The following GLO1 variants were observed in gnomAD, a reference collection of about 807,000 sequenced individuals.
The protein encoded by GLO1 is glyoxalase I, also known as lactoylglutathione lyase.
A neutral mutation model predicts 26.0 loss-of-function variants in GLO1; 28 were observed. The ratio of observed to expected loss-of-function variants is 1.08; its 90% CI spans 0.80 to 1.48. GLO1 has a LOEUF of 1.48. GLO1 is among the 40% of genes most tolerant of loss of function. The pLI is 0.00. For synonymous variants in GLO1, 78 were observed against 77.6 expected (o/e 1.00, Z -0.03); for missense variants, 225 against 224.8 (o/e 1.00, Z -0.01).
At chr6:38,700,874 G>A (rs1761687963) in intron 1 of GLO1, among the ~76,000 whole-genome samples, 2 of 151,206 alleles carry the variant, frequency 1.3e-5, no homozygotes, top group South Asian at 2.1e-4. Context: ...CCACCTCATG[G>A]GTTCAAGTGA....
intron 5 of GLO1, among the ~76,000 whole-genome samples, chr6:38,680,112 T>C (rs1400898953): frequency 6.6e-6 from 1 of 152,018 alleles, no homozygotes; most frequent in Non-Finnish European, 1.5e-5. Flanking sequence ...AAAAAGAAAA[T>C]AGAAGAGTAT....
At chr6:38,693,410 T>C (rs1052437003) in intron 1 of GLO1, among the ~76,000 whole-genome samples, 2 of 152,150 alleles carry the variant, frequency 1.3e-5, no homozygotes, top group African/African-American at 2.4e-5. Context: ...GTTTGTCTAT[T>C]CTACTGGTCT....
intron 2 of GLO1, among the ~76,000 whole-genome samples, chr6:38,685,862 C>T (rs1367540635): frequency 6.6e-6 from 1 of 152,162 alleles, no homozygotes; most frequent in Non-Finnish European, 1.5e-5. Flanking sequence ...TAGAGCCCAT[C>T]AGACAATGGA....
chr6:38,698,651 C>G lies in GLO1; in HGVS notation c.84+4320G>C, dbSNP rs1458631926. ...TCCAGATCACTACTTGGAAGGAGAACCTGACCTTTTTTTTTTTTTTTTTTT... is the reference window on the plus strand; with the variant it reads ...TCCAGATCACTACTTGGAAGGAGAAGCTGACCTTTTTTTTTTTTTTTTTTT... On this transcript the variant is annotated intron_variant, in intron 1 of 5. Coordinates refer to ENST00000373365, the MANE Select transcript of GLO1 (RefSeq NM_006708.3). Among the ~76,000 whole-genome samples the G allele has an allele frequency of 4.3e-5, 6 of 139,340 alleles. No homozygotes were observed. In the Admixed American group the frequency reaches 4.8e-4, roughly 11 times the overall value. 91.4% of individuals were successfully genotyped at this position (139,340 alleles called of 152,430 possible). A position where few individuals can be genotyped will look rare whatever the true frequency, so the allele number is the denominator to read the frequency against.
intron 1 of GLO1, among the ~76,000 whole-genome samples, chr6:38,689,254 C>T (rs1761499685): frequency 6.6e-6 from 1 of 152,230 alleles, no homozygotes; most frequent in Non-Finnish European, 1.5e-5. Flanking sequence ...AGACCCAAGT[C>T]GGACCTCTAG....
At chr6:38,697,972 C>T (rs928381321) in intron 1 of GLO1, among the ~76,000 whole-genome samples, 4 of 152,142 alleles carry the variant, frequency 2.6e-5, no homozygotes, top group African/African-American at 9.7e-5. Context: ...TTCAGTGGTT[C>T]CTCAACACAT....
Position 38,693,675 on chromosome 6 carries a change from CTCTCTCTCTCTA to C in GLO1, c.85-6713_85-6702del, listed in dbSNP as rs376110755. Among the ~76,000 whole-genome samples the C allele has an allele frequency of 1.2e-3, 126 of 105,308 alleles. 2 individuals carry two copies. The highest frequency in any genetic ancestry group is 1.1e-3 in the Non-Finnish European group (58 of 52,894). 69.1% of individuals were successfully genotyped at this position (105,308 alleles called of 152,430 possible). A position where few individuals can be genotyped will look rare whatever the true frequency, so the allele number is the denominator to read the frequency against. On this transcript the variant is annotated intron_variant, in intron 1 of 5. Transcript: ENST00000373365. ...TTCATTCAGCTCTCTCTCTCTCTCT[CTCTCTCTCTCTA>C]TATATATATATATATATATTTGTTT... is the stretch of plus-strand genomic sequence containing the variant.
At chr6:38,686,377 A>G (rs1194264770) in intron 2 of GLO1, among the ~76,000 whole-genome samples, 1 of 152,222 alleles carries the variant, frequency 6.6e-6, no homozygotes, top group African/African-American at 2.4e-5. Context: ...TTCTCAATAT[A>G]CCTCAGTAAA....
rs1350050158 is a variant in GLO1, at chr6:38,682,051, C to T, written c.427G>A (p.Glu143Lys). 1 of 1,597,408 alleles carries T rather than the reference C, an allele frequency of 6.3e-7. No homozygotes were observed. The highest frequency in any genetic ancestry group is 2.2e-5 in the East Asian group (1 of 44,812). ...PDVYSACKRF[E>K]ELGVKFVKKP... ...TTCACAAATTTGACTCCCAGTTCTTCAAACCTTTTACAAGCACTGTATACA... is the reference window on the plus strand; with the variant it reads ...TTCACAAATTTGACTCCCAGTTCTTTAAACCTTTTACAAGCACTGTATACA... Residue 143 changes from glutamate to lysine, a missense_variant, in exon 5 of 6, where the codon GAA becomes AAA. Physicochemically the swap from Glu to Lys is moderately conservative, Grantham distance 56. Transcript: ENST00000373365.
rs995432628 is a variant in GLO1, at chr6:38,676,590, A to C, written c.*705T>G. ...TCTTAAATCCATTAATAATCCATGA[A>C]AGTGATTTCACATGCCTAGCCTGCT... On this transcript the variant is annotated 3_prime_UTR_variant, in exon 6 of 6. Transcript: ENST00000373365. The C allele has an allele frequency of 3.9e-5, 6 of 152,156 alleles. No individual in the cohort carries two copies. The highest frequency in any genetic ancestry group is 8.8e-5 in the Non-Finnish European group (6 of 68,018). 9.4% of individuals were successfully genotyped at this position (152,156 alleles called of 1,614,324 possible). A position where few individuals can be genotyped will look rare whatever the true frequency, so the allele number is the denominator to read the frequency against.
At chr6:38,678,677 C>T (rs1425670984) in intron 5 of GLO1, among the ~76,000 whole-genome samples, 1 of 152,172 alleles carries the variant, frequency 6.6e-6, no homozygotes, top group Non-Finnish European at 1.5e-5. Flanking sequence ...AGTGCAGGAG[C>T]CTTGTGCTTG....
In GLO1 at chr6:38,703,130, C is replaced by G; in HGVS notation, c.-76G>C. On this transcript the variant is annotated 5_prime_UTR_variant, in exon 1 of 6. Transcript: ENST00000373365. ...CCCACACTACGCCTCGGCCCTGTGC[C>G]GCCTTAACTAGGAATGGCGCGATGG... The G allele has an allele frequency of 2.3e-6, 2 of 867,210 alleles. No homozygotes were observed. Among genetic ancestry groups the G allele is most frequent in the African/African-American group, 1.8e-5 (1 of 56,534 alleles). The allele number at this position is 867,210 out of a possible 1,614,324, so 53.7% of individuals were successfully genotyped here.
chr6:38,702,832 A>G, intron 1 of GLO1, 139 bp downstream of exon 1: 1 of 593,510 alleles, frequency 1.7e-6, no homozygotes, highest in South Asian at 2.0e-5. Context: ...ATCAAACACC[A>G]TTATCCCTCT....
intron 5 of GLO1, among the ~76,000 whole-genome samples, chr6:38,677,828 C>G (rs970393945): frequency 6.6e-6 from 1 of 152,080 alleles, no homozygotes; most frequent in African/African-American, 2.4e-5. Flanking sequence ...AAAAGTCATA[C>G]TTTTCATAAT....
At chr6:38,701,349 T>C (rs933174802) in intron 1 of GLO1, among the ~76,000 whole-genome samples, 6 of 152,040 alleles carry the variant, frequency 3.9e-5, no homozygotes, top group Non-Finnish European at 5.9e-5. Flanking sequence ...GCTATTATTA[T>C]GTATTCCATT....
Position 38,677,529 on chromosome 6 carries a change from G to A in GLO1, c.467-146C>T, listed in dbSNP as rs1582771705. 4 of 600,746 alleles carry A rather than the reference G, an allele frequency of 6.7e-6. No homozygotes were observed. In the South Asian group the frequency reaches 8.0e-5, roughly 12 times the overall value. The allele number at this position is 600,746 out of a possible 1,614,324, so 37.2% of individuals were successfully genotyped here. ...TGGCCCAAGGCAGGCTTGACCTCCTGAGCTCAGCCTGCCAAGTAGCTGGGG... is the reference window on the plus strand; with the variant it reads ...TGGCCCAAGGCAGGCTTGACCTCCTAAGCTCAGCCTGCCAAGTAGCTGGGG... On this transcript the variant is annotated intron_variant, in intron 5 of 5. Transcript: ENST00000373365.
intron 1 of GLO1, among the ~76,000 whole-genome samples, chr6:38,699,687 GATACGCCCTCGTCTCCTGC>G (rs1266133004): frequency 1.3e-5 from 2 of 152,112 alleles, no homozygotes; most frequent in Non-Finnish European, 2.9e-5. Flanking sequence ...TAAGGACTGA[GATACGCCCTCGTCTCCTGC>G]AGTACCCTCA....
At chr6:38,682,171 C>T (rs560036520) in intron 4 of GLO1, 70 bp from the exon 5 acceptor site, 63 of 859,684 alleles carry the variant, frequency 7.3e-5, no homozygotes, top group South Asian at 6.0e-4. Context: ...CCAAGTACCA[C>T]AAGTAGATTC....
intron 1 of GLO1, among the ~76,000 whole-genome samples, chr6:38,693,746 TG>T (rs1386805929): frequency 6.6e-6 from 1 of 151,504 alleles, no homozygotes; most frequent in African/African-American, 2.4e-5. Flanking sequence ...AGTCTAGCTC[TG>T]TCACCCAGGC....
Sources: allele counts gnomAD v4.1 joint callset (sites outside exome capture counted in the v4.1 genomes callset), GRCh38; gene constraint gnomAD v4.1.1; transcripts MANE v1.5; gene names NCBI Gene and HGNC (gene_info 2026-07-23, HGNC 2026-07-21).